Variants in ZMIZ1 observed in about 807,000 individuals in gnomAD.
ZMIZ1 encodes zinc finger MIZ-type containing 1, also known as zinc finger MIZ domain-containing protein 1.
In ZMIZ1, 17 loss-of-function variants were observed where a neutral mutation model predicts 113.9. The observed-to-expected ratio is 0.15, with a 90% CI of 0.10 to 0.22. The LOEUF is 0.22. ZMIZ1 is among the 10% of genes least tolerant of loss of function. The pLI, the probability that ZMIZ1 is intolerant of heterozygous loss-of-function variation, is 1.00. For synonymous variants in ZMIZ1, 607 were observed against 603.1 expected (o/e 1.01, Z -0.09); for missense variants, 1,059 against 1,477.8 (o/e 0.72, Z 4.65).
chr10:79,244,054 C>T (rs1850040573), intron 7 of ZMIZ1, among the ~76,000 whole-genome samples: 1 of 152,002 alleles, frequency 6.6e-6, no homozygotes, highest in Admixed American at 6.5e-5. Flanking sequence ...AGGCTCTGTG[C>T]TCAGTCGGCT....
At chr10:79,115,581 C>G (rs984750010) in intron 1 of ZMIZ1, among the ~76,000 whole-genome samples, 21 of 152,204 alleles carry the variant, frequency 1.4e-4, no homozygotes, top group African/African-American at 4.8e-4. Context: ...GGATTCCATT[C>G]CTCCCACGAG....
Position 79,305,528 on chromosome 10 carries a change from T to C in ZMIZ1, c.2355-5T>C. On this transcript the variant is annotated splice_region_variant and splice_polypyrimidine_tract_variant and intron_variant, in intron 20 of 24. Coordinates refer to ENST00000334512, the MANE Select transcript of ZMIZ1 (RefSeq NM_020338.4). ...AGAGGCCAAGCTCCCCATCTCCTTT[T>C]CCAGTAAAACCGCTCTGCTGGAGGG... 2 of 1,613,950 alleles carry C rather than the reference T, an allele frequency of 1.2e-6. No homozygotes were observed. Among genetic ancestry groups the C allele is most frequent in the South Asian group, 2.2e-5 (2 of 91,088 alleles).
chr10:79,085,169 T>G (rs1030037894), intron 1 of ZMIZ1, among the ~76,000 whole-genome samples: 3 of 152,186 alleles, frequency 2.0e-5, no homozygotes, highest in Non-Finnish European at 4.4e-5. Flanking sequence ...TCTTACTGTG[T>G]CTCTTCTCTC....
Position 79,314,298 on chromosome 10 carries a change from C to A in ZMIZ1, c.*1549C>A, listed in dbSNP as rs760135642. 2 of 455,404 alleles carry A rather than the reference C, an allele frequency of 4.4e-6. No homozygotes were observed. The highest frequency in any genetic ancestry group is 8.9e-6 in the Non-Finnish European group (2 of 225,864). 28.2% of individuals were successfully genotyped at this position (455,404 alleles called of 1,614,324 possible). A position where few individuals can be genotyped will look rare whatever the true frequency, so the allele number is the denominator to read the frequency against. On this transcript the variant is annotated 3_prime_UTR_variant, in exon 25 of 25. Transcript: ENST00000334512. ...GTCACTGGGGTCCCATCTGTAAATT[C>A]TTTGCGCCCTTCCCGGCTGCTGCCT...
At chr10:79,218,384 A>G (rs7917245) in intron 7 of ZMIZ1, among the ~76,000 whole-genome samples, 2,598 of 152,084 alleles carry the variant, frequency 0.017, 50 homozygotes, top group African/African-American at 0.049. Context: ...CTGGGGTGGG[A>G]GGATCACTTG....
intron 8 of ZMIZ1, among the ~76,000 whole-genome samples, chr10:79,287,856 G>T (rs912737159): frequency 6.6e-6 from 1 of 152,218 alleles, no homozygotes; most frequent in Non-Finnish European, 1.5e-5. Flanking sequence ...AAAAGTCTCT[G>T]CCGTCACAGA....
At chr10:79,254,347 G>C (rs140331834) in intron 7 of ZMIZ1, among the ~76,000 whole-genome samples, 13 of 152,234 alleles carry the variant, frequency 8.5e-5, no homozygotes, top group Non-Finnish European at 1.8e-4. Context: ...GTCATTGCCC[G>C]CCATCCCAGG....
At chr10:79,274,911 C>T (rs1330798142) in intron 7 of ZMIZ1, among the ~76,000 whole-genome samples, 1 of 152,142 alleles carries the variant, frequency 6.6e-6, no homozygotes, top group East Asian at 1.9e-4. Flanking sequence ...TGTGGTGCCT[C>T]CGCCCCCTGC....
rs1268958602 is a variant in ZMIZ1 at position 79,090,693 on chromosome 10, G to A, written c.-337+21423G>A. Reference sequence around the variant, plus strand: ...TGTGCAGCGGTGCGTTTCCTTTCACGGGTCCATCTGGAGCAGCCTGCTCAC... The same window carrying A: ...TGTGCAGCGGTGCGTTTCCTTTCACAGGTCCATCTGGAGCAGCCTGCTCAC... On this transcript the variant is annotated intron_variant, in intron 1 of 24. Coordinates refer to ENST00000334512, the MANE Select transcript of ZMIZ1 (RefSeq NM_020338.4). Among the ~76,000 whole-genome samples, 7 of 152,304 alleles carry A rather than the reference G, an allele frequency of 4.6e-5. No individual in the cohort carries two copies. The East Asian group carries it at 5.8e-4, about 13-fold the overall frequency.
intron 14 of ZMIZ1, among the ~76,000 whole-genome samples, chr10:79,297,907 C>G (rs1352193470): frequency 6.6e-6 from 1 of 152,098 alleles, no homozygotes; most frequent in Non-Finnish European, 1.5e-5. Flanking sequence ...CCTGGCTAGT[C>G]TTGAAAACAA....
At chr10:79,242,312 G>A (rs1412503667) in intron 7 of ZMIZ1, among the ~76,000 whole-genome samples, 3 of 152,022 alleles carry the variant, frequency 2.0e-5, no homozygotes, top group East Asian at 3.9e-4. Context: ...AGCCGCCCCC[G>A]GCTTCCCTCC....
At chr10:79,236,488 C>CGGACATTCGAGCT (rs1051000433) in intron 7 of ZMIZ1, among the ~76,000 whole-genome samples, 11 of 152,220 alleles carry the variant, frequency 7.2e-5, no homozygotes, top group Non-Finnish European at 1.3e-4. Flanking sequence ...TGCTGAGGCA[C>CGGACATTCGAGCT]GGACATTCGA....
chr10:79,138,839 A>G (rs889206728), intron 2 of ZMIZ1, among the ~76,000 whole-genome samples: 4 of 152,246 alleles, frequency 2.6e-5, no homozygotes, highest in Admixed American at 2.6e-4. Flanking sequence ...TATCAAATCA[A>G]TTATTTCAAG....
intron 5 of ZMIZ1, among the ~76,000 whole-genome samples, chr10:79,202,056 C>CTAAAAA (rs1848108563): frequency 1.4e-5 from 1 of 71,954 alleles, no homozygotes; most frequent in African/African-American, 5.7e-5. Flanking sequence ...CAGTCGTTCT[C>CTAAAAA]AAAAAAAAAA....
At chr10:79,172,360 G>T (rs1846637123) in intron 4 of ZMIZ1, among the ~76,000 whole-genome samples, 1 of 152,186 alleles carries the variant, frequency 6.6e-6, no homozygotes, top group South Asian at 2.1e-4. Context: ...GGAGGAAAAT[G>T]AGCACCTGTG....
chr10:79,274,677 T>C (rs185339073), intron 7 of ZMIZ1, among the ~76,000 whole-genome samples: 104 of 152,096 alleles, frequency 6.8e-4, no homozygotes, highest in African/African-American at 2.5e-3. Context: ...TGACTCCCCA[T>C]CCCCCCACCA....
rs186040831 is a variant in ZMIZ1 at position 79,223,298 on chromosome 10, G to A, written c.280+7024G>A. On this transcript the variant is annotated intron_variant, in intron 7 of 24. Coordinates refer to ENST00000334512, the MANE Select transcript of ZMIZ1 (RefSeq NM_020338.4). ...AGGGGATTTGTTACCAGCTGCCGGT[G>A]CCCCAGAGACAGCAGGCAGGCAGGC... 9.9e-3 allele frequency among the ~76,000 whole-genome samples: 1,501 copies of A among 152,374 alleles called. 19 individuals are homozygous for A. Among genetic ancestry groups the A allele is most frequent in the Non-Finnish European group, 0.016 (1,119 of 68,038 alleles).
chr10:79,314,512 T>G lies in ZMIZ1; in HGVS notation c.*1763T>G. The G allele has an allele frequency of 3.0e-6, 1 of 333,392 alleles. No individual in the cohort carries two copies. Among genetic ancestry groups the G allele is most frequent in the Non-Finnish European group, 5.9e-6 (1 of 169,476 alleles). 20.7% of individuals were successfully genotyped at this position (333,392 alleles called of 1,614,324 possible). ...GTCCCGTTGTCGAGGTTTTTTCAAA[T>G]AGCGTGTTGTTCAGTATGCAAATCA... On this transcript the variant is annotated 3_prime_UTR_variant, in exon 25 of 25. Coordinates refer to ENST00000334512, the MANE Select transcript of ZMIZ1 (RefSeq NM_020338.4).
intron 8 of ZMIZ1, among the ~76,000 whole-genome samples, chr10:79,280,990 C>T (rs746745864): frequency 6.6e-6 from 1 of 152,202 alleles, no homozygotes; most frequent in Non-Finnish European, 1.5e-5. Context: ...TCTCATCATC[C>T]TATGTGTCAT....
Sources: gnomAD v4.1 joint callset for allele counts (sites outside exome capture counted in the v4.1 genomes callset) on GRCh38, gnomAD v4.1.1 for gene constraint, MANE v1.5 for transcripts, NCBI Gene and HGNC (gene_info 2026-07-23, HGNC 2026-07-21) for gene names.